Variants in KHDRBS2 observed in about 807,000 individuals in gnomAD.
KHDRBS2 encodes KH domain-containing, RNA-binding, signal transduction-associated protein 2.
In KHDRBS2, 26 loss-of-function variants were observed where a neutral mutation model predicts 44.3. The observed-to-expected ratio is 0.59, with a 90% CI of 0.43 to 0.81. The LOEUF is 0.81. KHDRBS2 is among the 40% of genes least tolerant of loss of function. The pLI is 0.00. For missense variants in KHDRBS2, 476 were observed against 433.1 expected (o/e 1.10, Z -0.88); for synonymous variants, 194 against 151.1 (o/e 1.28, Z -2.08).
intron 2 of KHDRBS2, among the ~76,000 whole-genome samples, chr6:62,074,094 G>A (rs1393874904): frequency 6.6e-6 from 1 of 151,820 alleles, no homozygotes; most frequent in Non-Finnish European, 1.5e-5. Flanking sequence ...AGCAGAAAAT[G>A]TGGCAGACTT....
Position 61,680,668 on chromosome 6 carries a change from A to G in KHDRBS2, c.*295T>C, listed in dbSNP as rs1240134548. 4.7e-6 allele frequency: 1 copy of G among 211,278 alleles called. No homozygotes were observed. Among genetic ancestry groups the G allele is most frequent in the Non-Finnish European group, 9.4e-6 (1 of 106,602 alleles). The allele number at this position is 211,278 out of a possible 1,614,324, so 13.1% of individuals were successfully genotyped here. A position where few individuals can be genotyped will look rare whatever the true frequency, so the allele number is the denominator to read the frequency against. On this transcript the variant is annotated 3_prime_UTR_variant, in exon 9 of 9. Coordinates refer to ENST00000281156, the MANE Select transcript of KHDRBS2 (RefSeq NM_152688.4). ...AAAAAAAAAAAGAAAAAGAAAAAAA[A>G]AAGATTACACACAACAATGAAAAAC...
intron 6 of KHDRBS2, among the ~76,000 whole-genome samples, chr6:61,787,129 C>T (rs959785383): frequency 4.0e-5 from 6 of 149,968 alleles, no homozygotes; most frequent in African/African-American, 9.8e-5. Flanking sequence ...CATAGAGTTA[C>T]GGTGTTGTTA....
intron 7 of KHDRBS2, among the ~76,000 whole-genome samples, chr6:61,703,162 T>G (rs1329754675): frequency 6.6e-6 from 1 of 151,874 alleles, no homozygotes; most frequent in Non-Finnish European, 1.5e-5. Flanking sequence ...TTTGTCTACA[T>G]TTATTCCTAT....
At chr6:61,627,935 G>T in the KHDRBS2 span, among the ~76,000 whole-genome samples, 1 of 152,140 alleles carries the variant, frequency 6.6e-6, no homozygotes, top group Non-Finnish European at 1.5e-5. Flanking sequence ...TGGGTGGCCT[G>T]GGAACTCTAG....
At chr6:62,037,156 A>G (rs2127296666) in intron 3 of KHDRBS2, among the ~76,000 whole-genome samples, 1 of 152,094 alleles carries the variant, frequency 6.6e-6, no homozygotes, top group Non-Finnish European at 1.5e-5. Flanking sequence ...TATTAGTATT[A>G]AATAAAATGT....
chr6:62,169,718 C>A (rs1166629463), intron 2 of KHDRBS2, among the ~76,000 whole-genome samples: 1 of 152,054 alleles, frequency 6.6e-6, no homozygotes, highest in Non-Finnish European at 1.5e-5. Context: ...CCCGGCCCCA[C>A]TGCATTACAC....
At chr6:62,258,091 A>G (rs1346405923) in intron 1 of KHDRBS2, among the ~76,000 whole-genome samples, 1 of 152,042 alleles carries the variant, frequency 6.6e-6, no homozygotes, top group Non-Finnish European at 1.5e-5. Flanking sequence ...AAACAACAGC[A>G]GGTTTTCAGT....
intron 6 of KHDRBS2, among the ~76,000 whole-genome samples, chr6:61,741,272 T>C (rs1274955776): frequency 4.6e-5 from 7 of 151,786 alleles, no homozygotes; most frequent in Admixed American, 4.6e-4. Context: ...AAACAGAATA[T>C]GTTAAATTAC....
At chr6:61,933,480 G>T (rs1454413873) in intron 4 of KHDRBS2, among the ~76,000 whole-genome samples, 1 of 152,100 alleles carries the variant, frequency 6.6e-6, no homozygotes, top group Non-Finnish European at 1.5e-5. Flanking sequence ...TATACGTTAT[G>T]CACTGCTTAA....
At chr6:62,227,176 T>C (rs1447280352) in intron 1 of KHDRBS2, among the ~76,000 whole-genome samples, 3 of 152,344 alleles carry the variant, frequency 2.0e-5, no homozygotes, top group African/African-American at 7.2e-5. Context: ...TTTCCATTTG[T>C]TTGTGTCCTC....
chr6:61,705,533 C>T (rs1404482562), intron 7 of KHDRBS2, among the ~76,000 whole-genome samples: 3 of 151,822 alleles, frequency 2.0e-5, no homozygotes, highest in Admixed American at 6.6e-5. Flanking sequence ...GTTACTTGTC[C>T]TAAACTAATC....
At chr6:62,189,531 A>C (rs1409592400) in intron 1 of KHDRBS2, among the ~76,000 whole-genome samples, 1 of 151,918 alleles carries the variant, frequency 6.6e-6, no homozygotes, top group Non-Finnish European at 1.5e-5. Context: ...CAGAACTTTT[A>C]TTTTCTTCTA....
chr6:61,697,799 C>T (rs1158137582), intron 7 of KHDRBS2, among the ~76,000 whole-genome samples: 3 of 152,108 alleles, frequency 2.0e-5, no homozygotes, highest in African/African-American at 7.2e-5. Flanking sequence ...GTTCTTCCTC[C>T]ATTTCTTACT....
intron 2 of KHDRBS2, among the ~76,000 whole-genome samples, chr6:62,163,732 G>A (rs1818124084): frequency 1.3e-5 from 2 of 151,900 alleles, no homozygotes; most frequent in South Asian, 2.1e-4. Flanking sequence ...ATGTTAACAC[G>A]ATCATTAATA....
At chr6:61,708,245 CT>C (rs964528070) in intron 7 of KHDRBS2, among the ~76,000 whole-genome samples, 1 of 151,484 alleles carries the variant, frequency 6.6e-6, no homozygotes, top group Non-Finnish European at 1.5e-5. Context: ...CCCTAAATAA[CT>C]TTTATTTTAC....
At chr6:61,747,731 G>A (rs540824806) in intron 6 of KHDRBS2, among the ~76,000 whole-genome samples, 2 of 152,080 alleles carry the variant, frequency 1.3e-5, no homozygotes, top group Non-Finnish European at 2.9e-5. Context: ...TCTTATCATT[G>A]GAAATATATT....
At chr6:62,263,240 T>C (rs1838657660) in intron 1 of KHDRBS2, among the ~76,000 whole-genome samples, 1 of 151,788 alleles carries the variant, frequency 6.6e-6, no homozygotes, top group Non-Finnish European at 1.5e-5. Context: ...CTTTCTAATT[T>C]TATAAATTAT....
At chr6:61,955,131 T>C (rs1402179803) in intron 4 of KHDRBS2, among the ~76,000 whole-genome samples, 2 of 145,014 alleles carry the variant, frequency 1.4e-5, no homozygotes, top group Admixed American at 6.8e-5. Flanking sequence ...TATGTATACA[T>C]ATGTATATAC....
At chr6:62,102,207 A>G (rs1319600662) in intron 2 of KHDRBS2, among the ~76,000 whole-genome samples, 1 of 152,224 alleles carries the variant, frequency 6.6e-6, no homozygotes, top group African/African-American at 2.4e-5. Flanking sequence ...TTTAAATATA[A>G]TTAGAGGGTT....
Sources: allele counts gnomAD v4.1 joint callset (sites outside exome capture counted in the v4.1 genomes callset), GRCh38; gene constraint gnomAD v4.1.1; transcripts MANE v1.5; gene names NCBI Gene and HGNC (gene_info 2026-07-23, HGNC 2026-07-21).